ADAMTS8: variants seen among roughly 807,000 people sequenced by gnomAD.
ADAMTS8 encodes the protein ADAM metallopeptidase with thrombospondin type 1 motif 8.
Under a neutral mutation model 64.4 loss-of-function variants are expected in ADAMTS8, and 50 were observed. The ratio of observed to expected loss-of-function variants is 0.78; its 90% CI spans 0.62 to 0.98. ADAMTS8 has a LOEUF of 0.98. ADAMTS8 is among the 50% of genes least tolerant of loss of function. The probability of loss-of-function intolerance (pLI) is 0.00; values close to 1 mark genes in which losing one functional copy is unlikely to be tolerated. For synonymous variants in ADAMTS8, 556 were observed against 533.6 expected (o/e 1.04, Z -0.58); for missense variants, 1,192 against 1,208.2 (o/e 0.99, Z 0.20).
In ADAMTS8 at chr11:130,428,018, G is replaced by A. The variant is rs1252300968; in HGVS notation, c.269C>T (p.Ala90Val). Residue 90 changes from alanine to valine, a missense_variant, in exon 1 of 9, where the codon GCG (alanine) becomes GTG (valine). Transcript: ENST00000257359. ...GCGCAGCCCCCGCTCGCCCCCGGTC[G>A]CCCGGCCGGAGCCCCCGAGGCGCTC... ...KIERLGGSGR[A>V]TGGERGLRGC... The A allele has an allele frequency of 4.6e-6, 7 of 1,525,840 alleles. No individual in the cohort carries two copies. The highest frequency in any genetic ancestry group is 1.9e-4 in the Middle Eastern group (1 of 5,394). 94.5% of individuals were successfully genotyped at this position (1,525,840 alleles called of 1,614,324 possible).
chr11:130,425,414 G>A (rs1862150779), intron 1 of ADAMTS8, among the ~76,000 whole-genome samples: 1 of 152,132 alleles, frequency 6.6e-6, no homozygotes, highest in Admixed American at 6.5e-5. Context: ...GAGTGAGACA[G>A]TCTGGCCCTG....
Position 130,411,626 on chromosome 11 carries a change from T to C in ADAMTS8, c.1567-26A>G. On this transcript the variant is annotated intron_variant, in intron 5 of 8. Transcript: ENST00000257359. The surrounding 1 kb of genome is among the most constrained non-coding windows in gnomAD (Gnocchi z 4.2). ...CTGCAACATACAATGGCACACTGAA[T>C]GAGGAGCAAAGGCCAGGAGGCTTCA... 7.4e-6 allele frequency: 12 copies of C among 1,612,464 alleles called. No individual in the cohort carries two copies. Among genetic ancestry groups the C allele is most frequent in the Non-Finnish European group, 1.0e-5 (12 of 1,178,908 alleles).
rs1565383082 is a variant in ADAMTS8, at chr11:130,428,245, C to T, written c.42G>A (p.Leu14=). The change falls in exon 1 of 9, where the codon CTG becomes CTA. Residue 14 remains leucine (L), a synonymous_variant. Coordinates refer to ENST00000257359, the MANE Select transcript of ADAMTS8 (RefSeq NM_007037.6). The part of the protein sequence containing the change: ...APAAPRWPPL[L]LLLLLLLPLA... ...GCGGCAGCAGCAGCAGCAGCAGCAGCAGGAGCGGAGGCCACCGGGGGGCGG... is the reference window on the plus strand; with the variant it reads ...GCGGCAGCAGCAGCAGCAGCAGCAGTAGGAGCGGAGGCCACCGGGGGGCGG... 8.9e-7 allele frequency: 1 copy of T among 1,119,564 alleles called. No individual in the cohort carries two copies. The highest frequency in any genetic ancestry group is 5.0e-5 in the Admixed American group (1 of 19,846). The allele number at this position is 1,119,564 out of a possible 1,614,324, so 69.4% of individuals were successfully genotyped here.
At position 130,419,182 on chromosome 11, in the gene ADAMTS8, T is replaced by C; in HGVS notation, c.831A>G (p.Lys277=). 6.2e-7 allele frequency: 1 copy of C among 1,614,210 alleles called. No homozygotes were observed. Among genetic ancestry groups the C allele is most frequent in the Non-Finnish European group, 8.5e-7 (1 of 1,180,046 alleles). The change falls in exon 2 of 9, where the codon AAA becomes AAG. Residue 277 remains lysine, a synonymous_variant. Coordinates refer to ENST00000257359, the MANE Select transcript of ADAMTS8 (RefSeq NM_007037.6). ...CATTGTCGGACACCTCTGGGCCCCA[T>C]TTTTCATCTTCTACGATCAGCACTT... ...VVKVLIVEDE[K]WGPEVSDNGG...
intron 1 of ADAMTS8, among the ~76,000 whole-genome samples, chr11:130,426,743 AG>A (rs1457937902): frequency 1.3e-5 from 2 of 152,164 alleles, no homozygotes; most frequent in African/African-American, 4.8e-5. Context: ...TCCCCTGTTT[AG>A]GTAAGAGCTG....
In ADAMTS8 at chr11:130,414,615, G is replaced by A. The variant is rs1350685298; in HGVS notation, c.1482C>T (p.Pro494=). ...GCCCGCACGGCGTGCCGTCAGCCCA[G>A]GGCAGGCTGCCATTCTTCGTGTGGC... The part of the protein sequence containing the change: ...PLCHTKNGSL[P]WADGTPCGPG... Residue 494 remains proline (P), a synonymous_variant, in exon 5 of 9, where the codon CCC becomes CCT. Transcript: ENST00000257359. The A allele has an allele frequency of 6.2e-7, 1 of 1,613,368 alleles. No individual in the cohort carries two copies. The highest frequency in any genetic ancestry group is 1.3e-5 in the African/African-American group (1 of 74,942).
chr11:130,406,149 C>A (rs779124286), intron 8 of ADAMTS8, 21 bp from the exon 9 acceptor site: 8 of 1,594,108 alleles, frequency 5.0e-6, no homozygotes, highest in Admixed American at 1.7e-5. Context: ...AACAGAAGGA[C>A]ACCCTTAGAC....
Position 130,405,765 on chromosome 11 carries a change from C to G in ADAMTS8, c.2463G>C (p.Glu821Asp), listed in dbSNP as rs376504625. 6.2e-7 allele frequency: 1 copy of G among 1,614,184 alleles called. No individual in the cohort carries two copies. The highest frequency in any genetic ancestry group is 8.5e-7 in the Non-Finnish European group (1 of 1,180,052). The change falls in exon 9 of 9, where the codon GAG (glutamate) becomes GAC (aspartate). Residue 821 changes from glutamate (E) to aspartate (D), a missense_variant. Coordinates refer to ENST00000257359, the MANE Select transcript of ADAMTS8 (RefSeq NM_007037.6). ...DVDFSMQSSK[E>D]RATTNIIQPL... is the part of the protein sequence containing the mutation. ...GCTGGATGATGTTGGTGGTTGCTCT[C>G]TCTTTGCTGCTCTGCATGCTAAAGT...
At chr11:130,418,045 G>C (rs549275146) in intron 2 of ADAMTS8, among the ~76,000 whole-genome samples, 1 of 148,748 alleles carries the variant, frequency 6.7e-6, no homozygotes, top group East Asian at 2.0e-4. Flanking sequence ...GCTGGGCAAG[G>C]TGCTTGCGCT....
In ADAMTS8 at chr11:130,414,528, C is replaced by T; in HGVS notation, c.1566+3G>A. ...CCCGCTATCCTCAGGGGCTGTCCCTCACCTTGGGCCTCTCCACTTCCTCCT... is the reference window on the plus strand; with the variant it reads ...CCCGCTATCCTCAGGGGCTGTCCCTTACCTTGGGCCTCTCCACTTCCTCCT... On this transcript the variant is annotated splice_donor_region_variant and intron_variant, in intron 5 of 8. Coordinates refer to ENST00000257359, the MANE Select transcript of ADAMTS8 (RefSeq NM_007037.6). 3 of 1,586,950 alleles carry T rather than the reference C, an allele frequency of 1.9e-6. No individual in the cohort carries two copies. Among genetic ancestry groups the T allele is most frequent in the South Asian group, 1.1e-5 (1 of 88,152 alleles).
In ADAMTS8 at chr11:130,427,442, T is replaced by C. The variant is rs1270518500; in HGVS notation, c.720+125A>G. On this transcript the variant is annotated intron_variant, in intron 1 of 8. Coordinates refer to ENST00000257359, the MANE Select transcript of ADAMTS8 (RefSeq NM_007037.6). Reference sequence around the variant, plus strand: ...TTGGGGTAAGGCTGGAGAAGATGAGTGGGGAGGGCTTTTTTTTTTTTTTTT... The same window carrying C: ...TTGGGGTAAGGCTGGAGAAGATGAGCGGGGAGGGCTTTTTTTTTTTTTTTT... 5 of 1,082,850 alleles carry C rather than the reference T, an allele frequency of 4.6e-6. No homozygotes were observed. The East Asian group carries it at 1.1e-4, about 24-fold the overall frequency. 67.1% of individuals were successfully genotyped at this position (1,082,850 alleles called of 1,614,324 possible).
Position 130,408,935 on chromosome 11 carries a change from T to G in ADAMTS8, c.1756A>C (p.Ser586Arg). ...TTCTCACACTGCTGCTCCCTGAAGC[T>G]TTTCCCTAGAAAGAGGAAGAAACGG... is the stretch of plus-strand genomic sequence containing the variant. The part of the protein sequence containing the change: ...HTEECPPDGK[S>R]FREQQCEKYN... Residue 586 changes from serine (S) to arginine (R), a missense_variant, in exon 7 of 9, where the codon AGC (serine) becomes CGC (arginine). By Grantham distance (110) the Ser-to-Arg change is moderately radical. Around this residue, in one of 5 missense-constraint regions of ADAMTS8, gnomAD observed 290 missense variants for 297.8 expected, o/e 0.97. Transcript: ENST00000257359. 6.5e-7 allele frequency: 1 copy of G among 1,529,634 alleles called. No homozygotes were observed. Among genetic ancestry groups the G allele is most frequent in the Non-Finnish European group, 8.8e-7 (1 of 1,137,764 alleles). The allele number at this position is 1,529,634 out of a possible 1,614,324, so 94.8% of individuals were successfully genotyped here. A position where few individuals can be genotyped will look rare whatever the true frequency, so the allele number is the denominator to read the frequency against.
chr11:130,417,122 G>T, intron 2 of ADAMTS8, 47 bp from the exon 3 acceptor site: 2 of 1,608,668 alleles, frequency 1.2e-6, no homozygotes, highest in Non-Finnish European at 1.7e-6. Context: ...GTGTGTGTGG[G>T]GTGCGCTGCA....
intron 1 of ADAMTS8, among the ~76,000 whole-genome samples, chr11:130,421,826 C>A (rs897615391): frequency 6.6e-6 from 1 of 152,146 alleles, no homozygotes; most frequent in Non-Finnish European, 1.5e-5. Flanking sequence ...ATCAGGCCTG[C>A]GGCTGGTCAA....
chr11:130,428,418 G>C lies in ADAMTS8; in HGVS notation c.-132C>G. On this transcript the variant is annotated 5_prime_UTR_variant, in exon 1 of 9. Transcript: ENST00000257359. ...AATCAATCGGGTGCAAGGCCGACTC[G>C]GCCCGCGGGGCCCGGCGGCGGGAGC... The C allele has an allele frequency of 6.5e-6, 7 of 1,085,216 alleles. No homozygotes were observed. The highest frequency in any genetic ancestry group is 7.8e-6 in the Non-Finnish European group (7 of 894,772). The allele number at this position is 1,085,216 out of a possible 1,614,324, so 67.2% of individuals were successfully genotyped here.
chr11:130,418,963 T>C (rs1862062046), intron 2 of ADAMTS8, 90 bp downstream of exon 2: 2 of 1,578,484 alleles, frequency 1.3e-6, no homozygotes, highest in Admixed American at 3.4e-5. Context: ...GGGAGACGTT[T>C]CCCATGTTTG....
rs1862031405 is a variant in ADAMTS8, at chr11:130,416,813, C to T, written c.1096+127G>A. 2.1e-6 allele frequency: 3 copies of T among 1,437,928 alleles called. No individual in the cohort carries two copies. The highest frequency in any genetic ancestry group is 2.5e-5 in the South Asian group (2 of 78,956). The allele number at this position is 1,437,928 out of a possible 1,614,324, so 89.1% of individuals were successfully genotyped here. On this transcript the variant is annotated intron_variant, in intron 3 of 8. Coordinates refer to ENST00000257359, the MANE Select transcript of ADAMTS8 (RefSeq NM_007037.6). This position sits in a 1 kb window ranked among gnomAD's most constrained non-coding sequence, Gnocchi z 4.8. ...CGGTATCTGTTTGTATACAGTCACC[C>T]TGTCAAAATTAGGAGGAGCTATTCC... is the stretch of plus-strand genomic sequence containing the variant.
At position 130,411,988 on chromosome 11, in the gene ADAMTS8, G is replaced by A; in HGVS notation, c.1567-388C>T. The A allele has an allele frequency of 4.3e-6, 1 of 233,966 alleles. No homozygotes were observed. Among genetic ancestry groups the A allele is most frequent in the Non-Finnish European group, 8.4e-6 (1 of 118,348 alleles). 14.5% of individuals were successfully genotyped at this position (233,966 alleles called of 1,614,324 possible). ...TGGCAATGTCTGGAGATACTCTGGT[G>A]GCTACAGCTGTGGAGGGTGTACGTG... On this transcript the variant is annotated intron_variant, in intron 5 of 8. Transcript: ENST00000257359. This position sits in a 1 kb window ranked among gnomAD's most constrained non-coding sequence, Gnocchi z 4.2.
In ADAMTS8 at chr11:130,408,745, C is replaced by T. The variant is rs1393341678; in HGVS notation, c.1923+23G>A. The T allele has an allele frequency of 4.3e-6, 7 of 1,613,584 alleles. No homozygotes were observed. In the South Asian group the frequency reaches 7.7e-5, roughly 18 times the overall value. On this transcript the variant is annotated intron_variant, in intron 7 of 8. Coordinates refer to ENST00000257359, the MANE Select transcript of ADAMTS8 (RefSeq NM_007037.6). Reference sequence around the variant, plus strand: ...GCGACCTTCCTCCCCATCTCTGGATCTGAGTCCCAGGGTGATTCTCACCTT... The same window carrying T: ...GCGACCTTCCTCCCCATCTCTGGATTTGAGTCCCAGGGTGATTCTCACCTT...
Sources: allele counts gnomAD v4.1 joint callset (sites outside exome capture counted in the v4.1 genomes callset), GRCh38; gene constraint gnomAD v4.1.1; regional missense constraint gnomAD v4.1.1; non-coding constraint Gnocchi (gnomAD v3.1); transcripts MANE v1.5; gene names NCBI Gene and HGNC (gene_info 2026-07-23, HGNC 2026-07-21).